The following TRPC4AP variants were observed in gnomAD, a reference collection of about 807,000 sequenced individuals.
TRPC4AP encodes the protein transient receptor potential cation channel subfamily C member 4 associated protein.
Under a neutral mutation model 99.0 loss-of-function variants are expected in TRPC4AP, and 45 were observed. The ratio of observed to expected loss-of-function variants is 0.45; its 90% CI spans 0.36 to 0.58. The LOEUF is 0.58. Among genes scored for constraint, TRPC4AP ranks in the 20% least tolerant of loss-of-function variants. The pLI is 0.00. For synonymous variants in TRPC4AP, 408 were observed against 385.8 expected, an observed-to-expected ratio of 1.06 and a Z score of -0.67; for missense variants, 879 against 985.3, an observed-to-expected ratio of 0.89 and a Z score of 1.44.
At chr20:35,073,022 A>G (rs1338220770) in intron 2 of TRPC4AP, among the ~76,000 whole-genome samples, 1 of 151,978 alleles carries the variant, frequency 6.6e-6, no homozygotes, top group Non-Finnish European at 1.5e-5. Context: ...TGGATTCCTA[A>G]GTATTTTAGT....
intron 5 of TRPC4AP, among the ~76,000 whole-genome samples, chr20:35,054,078 T>A (rs1368090122): frequency 3.3e-5 from 5 of 152,196 alleles, no homozygotes; most frequent in Non-Finnish European, 5.9e-5. Flanking sequence ...CACCTTTATC[T>A]TCTTCTTTCT....
rs1335583878 is a variant in TRPC4AP at position 35,003,543 on chromosome 20, T to C, written c.2123A>G (p.Tyr708Cys). Residue 708 changes from tyrosine (Y) to cysteine (C), a missense_variant, in exon 18 of 19, where the codon TAC becomes TGC. Tyr to Cys is a radical substitution (Grantham distance 194). Transcript: ENST00000252015. The stretch of plus-strand genomic sequence containing the variant: ...CTCCATCCGCTGCAGCAGCCGCAGG[T>C]ACAGGGGCAGCCGCTCTTTCCGTCG... The part of the protein sequence containing the change: ...LARRKERLPL[Y>C]LRLLQRMEHS... 1 of 1,613,598 alleles carries C rather than the reference T, an allele frequency of 6.2e-7. No homozygotes were observed. Among genetic ancestry groups the C allele is most frequent in the Non-Finnish European group, 8.5e-7 (1 of 1,179,968 alleles).
intron 3 of TRPC4AP, among the ~76,000 whole-genome samples, chr20:35,058,172 A>G (rs183879571): frequency 4.6e-4 from 70 of 152,378 alleles, no homozygotes; most frequent in African/African-American, 1.7e-3. Context: ...TACATGAAAC[A>G]AAAGCTGGCA....
rs1212464750 is a variant in TRPC4AP, at chr20:35,005,745, C to T, written c.1886G>A (p.Arg629His). 3.7e-6 allele frequency: 6 copies of T among 1,614,194 alleles called. No individual in the cohort carries two copies. Among genetic ancestry groups the T allele is most frequent in the African/African-American group, 1.3e-5 (1 of 75,048 alleles). Residue 629 changes from arginine (R) to histidine (H), a missense_variant, in exon 16 of 19, where the codon CGC becomes CAC. By Grantham distance (29) the Arg-to-His change is conservative. Coordinates refer to ENST00000252015, the MANE Select transcript of TRPC4AP (RefSeq NM_015638.3). ...TCGGTCCAGGGACAGAGTGACACAG[C>T]GCACCAGCATGTTGGAGTCCACCAG... ...SSLVDSNMLV[R>H]CVTLSLDRFE...
At chr20:35,079,552 T>C (rs1174646385) in intron 1 of TRPC4AP, among the ~76,000 whole-genome samples, 3 of 151,960 alleles carry the variant, frequency 2.0e-5, no homozygotes, top group East Asian at 1.9e-4. Flanking sequence ...ATCACTGAAA[T>C]TGAAAACAAA....
chr20:35,006,638 A>G, intron 14 of TRPC4AP, 63 bp from the exon 15 acceptor site: 1 of 1,579,510 alleles, frequency 6.3e-7, no homozygotes, highest in Non-Finnish European at 8.6e-7. Flanking sequence ...CCTGGCATGG[A>G]GCTCAGACCA....
chr20:35,077,243 C>T (rs566842519), intron 2 of TRPC4AP, among the ~76,000 whole-genome samples: 1 of 152,316 alleles, frequency 6.6e-6, no homozygotes, highest in South Asian at 2.1e-4. Flanking sequence ...CCTGCTTCAG[C>T]TCACACTCCG....
chr20:35,086,525 ATGTGTGTGTG>A lies in TRPC4AP; in HGVS notation c.168+6079_168+6088del, dbSNP rs1176461079. Among the ~76,000 whole-genome samples, 421 of 69,234 alleles carry A rather than the reference ATGTGTGTGTG, an allele frequency of 6.1e-3. 30 individuals carry two copies. The highest frequency in any genetic ancestry group is 0.029 in the Middle Eastern group (3 of 104). 45.4% of individuals were successfully genotyped at this position (69,234 alleles called of 152,430 possible). The stretch of plus-strand genomic sequence containing the variant: ...TATATATATGTGTGTGTGTGTATAT[ATGTGTGTGTG>A]TGTGTGTGTGTGTGTGTGTGTGTGT... On this transcript the variant is annotated intron_variant, in intron 1 of 18. Coordinates refer to ENST00000252015, the MANE Select transcript of TRPC4AP (RefSeq NM_015638.3).
chr20:35,003,079 G>A lies in TRPC4AP; in HGVS notation c.*67C>T. 2 of 1,595,134 alleles carry A rather than the reference G, an allele frequency of 1.3e-6. No homozygotes were observed. Among genetic ancestry groups the A allele is most frequent in the Non-Finnish European group, 1.7e-6 (2 of 1,169,892 alleles). Reference sequence around the variant, plus strand: ...AGCAGGGAGGAACGGGAACAGGGCAGGGCGTGTGGCATCGTACCCACGCTC... The same window carrying A: ...AGCAGGGAGGAACGGGAACAGGGCAAGGCGTGTGGCATCGTACCCACGCTC... On this transcript the variant is annotated 3_prime_UTR_variant, in exon 19 of 19. Transcript: ENST00000252015.
intron 7 of TRPC4AP, among the ~76,000 whole-genome samples, chr20:35,043,840 AC>A (rs1431825968): frequency 6.6e-6 from 1 of 152,250 alleles, no homozygotes; most frequent in African/African-American, 2.4e-5. Flanking sequence ...AACTGAAACC[AC>A]AGAAAGTGAA....
intron 6 of TRPC4AP, among the ~76,000 whole-genome samples, chr20:35,049,234 A>G (rs143842297): frequency 9.4e-4 from 143 of 151,816 alleles, no homozygotes; most frequent in African/African-American, 3.3e-3. Context: ...TTTTTAATTT[A>G]GTTTTCATTT....
At chr20:35,080,055 G>C (rs555860734) in intron 1 of TRPC4AP, among the ~76,000 whole-genome samples, 2 of 148,132 alleles carry the variant, frequency 1.4e-5, no homozygotes, top group African/African-American at 2.5e-5. Flanking sequence ...ACCAAAGAGT[G>C]AAACAACTCA....
At position 35,021,185 on chromosome 20, in the gene TRPC4AP, C is replaced by CGAAA. The variant is rs1011568274; in HGVS notation, c.1218+4_1218+5insTTTC. 5 of 1,609,236 alleles carry CGAAA rather than the reference C, an allele frequency of 3.1e-6. No homozygotes were observed. Among genetic ancestry groups the CGAAA allele is most frequent in the Non-Finnish European group, 4.2e-6 (5 of 1,176,752 alleles). On this transcript the variant is annotated splice_donor_region_variant and intron_variant, in intron 9 of 18. Coordinates refer to ENST00000252015, the MANE Select transcript of TRPC4AP (RefSeq NM_015638.3). The stretch of plus-strand genomic sequence containing the variant: ...CGTGTCCTGAGACGCTGGAGAGGGG[C>CGAAA]CCACCTGGTTTCGCTGACGCCCCAT...
chr20:35,080,863 G>T (rs1391732553), intron 1 of TRPC4AP, among the ~76,000 whole-genome samples: 1 of 151,148 alleles, frequency 6.6e-6, no homozygotes, highest in Non-Finnish European at 1.5e-5. Flanking sequence ...CTTTAAAAGG[G>T]TGACTTGTGC....
Position 35,069,393 on chromosome 20 carries a change from G to C in TRPC4AP, c.317C>G (p.Ser106Cys). 7.5e-6 allele frequency: 12 copies of C among 1,608,156 alleles called. No individual in the cohort carries two copies. Among genetic ancestry groups the C allele is most frequent in the Non-Finnish European group, 1.0e-5 (12 of 1,176,296 alleles). Residue 106 changes from serine to cysteine, a missense_variant, in exon 3 of 19, where the codon TCC becomes TGC. Ser to Cys is a moderately radical substitution (Grantham distance 112). Coordinates refer to ENST00000252015, the MANE Select transcript of TRPC4AP (RefSeq NM_015638.3). ...NILKEISPLL[S>C]MEAMAFVTEE... ...AGTAACAAATGCCATAGCCTCCATGGAGAGAAGAGGAGAAATTTCCTAGTT... is the reference window on the plus strand; with the variant it reads ...AGTAACAAATGCCATAGCCTCCATGCAGAGAAGAGGAGAAATTTCCTAGTT...
chr20:35,087,086 T>G (rs2146045053), intron 1 of TRPC4AP, among the ~76,000 whole-genome samples: 1 of 150,202 alleles, frequency 6.7e-6, no homozygotes, highest in African/African-American at 2.5e-5. Flanking sequence ...TCCCAGCACC[T>G]TGGGAGGCCG....
chr20:35,017,649 G>C (rs1050134261), intron 9 of TRPC4AP, among the ~76,000 whole-genome samples: 3 of 152,132 alleles, frequency 2.0e-5, no homozygotes, highest in Non-Finnish European at 4.4e-5. Flanking sequence ...ACCTAACTCA[G>C]GTGTTCAGAT....
At chr20:35,063,996 C>T (rs2084075384) in intron 3 of TRPC4AP, among the ~76,000 whole-genome samples, 1 of 152,182 alleles carries the variant, frequency 6.6e-6, no homozygotes, top group Non-Finnish European at 1.5e-5. Flanking sequence ...ATTTTGGTGA[C>T]AAGTCCCAAG....
chr20:35,009,849 G>A (rs998970889), intron 12 of TRPC4AP, among the ~76,000 whole-genome samples: 1 of 152,226 alleles, frequency 6.6e-6, no homozygotes, highest in Non-Finnish European at 1.5e-5. Context: ...ATGCCACCAG[G>A]CAAGAAAGGA....
Sources: gnomAD v4.1 joint callset for allele counts (sites outside exome capture counted in the v4.1 genomes callset) on GRCh38, gnomAD v4.1.1 for gene constraint, MANE v1.5 for transcripts, NCBI Gene and HGNC (gene_info 2026-07-23, HGNC 2026-07-21) for gene names.